NODAL: variants seen among roughly 807,000 people sequenced by gnomAD.
NODAL encodes nodal growth differentiation factor.
NODAL carries 12 observed loss-of-function variants against 34.0 expected under a neutral mutation model. That is an observed-to-expected ratio of 0.35 (90% confidence interval 0.23 to 0.57). NODAL has a LOEUF of 0.57. Among genes scored for constraint, NODAL ranks in the 20% least tolerant of loss-of-function variants. NODAL has a pLI of 0.83. For synonymous variants in NODAL, 162 were observed against 186.4 expected (o/e 0.87, Z 1.07); for missense variants, 390 against 444.2 (o/e 0.88, Z 1.10).
chr10:70,447,663 G>A (rs201166324), intron 1 of NODAL, among the ~76,000 whole-genome samples: 5 of 144,430 alleles, frequency 3.5e-5, no homozygotes, highest in South Asian at 2.2e-4. Flanking sequence ...CCTGTCTCAG[G>A]AAAAAAAAAA....
intron 2 of NODAL, among the ~76,000 whole-genome samples, chr10:70,433,750 C>T (rs1413109565): frequency 6.6e-6 from 1 of 152,086 alleles, no homozygotes; most frequent in Non-Finnish European, 1.5e-5. Flanking sequence ...CAAGAAATTC[C>T]TGGTTTAGTT....
chr10:70,441,499 T>G lies in NODAL; in HGVS notation c.169A>C (p.Ile57Leu), dbSNP rs781453947. ...CCTTCTGCCTGTAGGCTGCGGATGA[T>G]GTCTGCCCTCGGCAGCGGGTCGCGG... ...LYRDPLPRADIIRSLQAEDVA... is the reference protein window; with the variant it reads ...LYRDPLPRADLIRSLQAEDVA... The change falls in exon 1 of 3, where the codon ATC becomes CTC. Residue 57 changes from isoleucine to leucine, a missense_variant. Transcript: ENST00000287139. 1.3e-6 allele frequency: 2 copies of G among 1,593,176 alleles called. No homozygotes were observed. Among genetic ancestry groups the G allele is most frequent in the Admixed American group, 3.5e-5 (2 of 57,408 alleles).
At chr10:70,447,859 C>T (rs1845505490) in intron 1 of NODAL, 2 of 470,958 alleles carry the variant, frequency 4.2e-6, no homozygotes, top group Non-Finnish European at 8.8e-6. Flanking sequence ...TTGCTGGAAT[C>T]TGCAACCTAC....
upstream of NODAL, among the ~76,000 whole-genome samples, chr10:70,441,947 A>G (rs1845437358): frequency 6.6e-6 from 1 of 152,108 alleles, no homozygotes; most frequent in Admixed American, 6.5e-5. Context: ...TCCTCTAGGT[A>G]CCAAACGCCT....
Position 70,435,418 on chromosome 10 carries a change from C to G in NODAL, c.759G>C (p.Gln253His). 1 of 1,614,180 alleles carries G rather than the reference C, an allele frequency of 6.2e-7. No homozygotes were observed. The highest frequency in any genetic ancestry group is 8.5e-7 in the Non-Finnish European group (1 of 1,180,030). The change falls in exon 2 of 3, where the codon CAG (glutamine) becomes CAC (histidine). Residue 253 changes from glutamine to histidine, a missense_variant. Coordinates refer to ENST00000287139, the MANE Select transcript of NODAL (RefSeq NM_018055.5). The stretch of plus-strand genomic sequence containing the variant: ...CCCATCCGATCAGGTTGAAGTCCAC[C>G]TGGAACTTGACCTTCCGACACAGTT... ...RSQLCRKVKF[Q>H]VDFNLIGWGS... is the part of the protein sequence containing the mutation.
At chr10:70,441,447 G>C in intron 1 of NODAL, 28 bp downstream of exon 1, 1 of 1,553,716 alleles carries the variant, frequency 6.4e-7, no homozygotes, top group African/African-American at 1.4e-5. Context: ...GGGGTGCCCA[G>C]CAGGGCGCGG....
At chr10:70,441,794 G>A, upstream of NODAL, 3 of 1,005,580 alleles carry the variant, frequency 3.0e-6, no homozygotes, top group East Asian at 2.6e-5. Flanking sequence ...TCCGGAGGGT[G>A]GGGGGCAGAG....
chr10:70,440,537 G>A (rs1006751676), intron 1 of NODAL, among the ~76,000 whole-genome samples: 4 of 152,144 alleles, frequency 2.6e-5, no homozygotes, highest in Admixed American at 1.3e-4. Context: ...CGGCCCCAGG[G>A]AGGGCCGTCT....
At chr10:70,437,641 A>G (rs1488114364) in intron 1 of NODAL, among the ~76,000 whole-genome samples, 1 of 152,190 alleles carries the variant, frequency 6.6e-6, no homozygotes, top group African/African-American at 2.4e-5. Context: ...CTTTGTGAAT[A>G]GACTCTGGAG....
At chr10:70,442,048 T>C (rs558742081), upstream of NODAL, among the ~76,000 whole-genome samples, 2 of 152,124 alleles carry the variant, frequency 1.3e-5, no homozygotes, top group African/African-American at 4.8e-5. Flanking sequence ...CCCTGCCCCA[T>C]CCTCTCCACT....
chr10:70,435,035 A>G (rs1845325327), intron 2 of NODAL: 2 of 512,230 alleles, frequency 3.9e-6, no homozygotes, highest in South Asian at 4.4e-5. Flanking sequence ...AATTTTATGA[A>G]AGACAAGGAT....
At chr10:70,438,100 A>G (rs1409412794) in intron 1 of NODAL, among the ~76,000 whole-genome samples, 1 of 151,922 alleles carries the variant, frequency 6.6e-6, no homozygotes, top group East Asian at 1.9e-4. Flanking sequence ...GACCAGCCTG[A>G]TCAACATGGT....
chr10:70,437,452 A>G (rs2132216962), intron 1 of NODAL, among the ~76,000 whole-genome samples: 1 of 152,296 alleles, frequency 6.6e-6, no homozygotes, highest in South Asian at 2.1e-4. Context: ...AACAAAAACA[A>G]CAACAAACAT....
intron 1 of NODAL, chr10:70,447,793 A>AC (rs1012438108): frequency 2.2e-6 from 1 of 444,838 alleles, no homozygotes; most frequent in African/African-American, 2.0e-5. Flanking sequence ...AGCAGGGGTG[A>AC]CCCCTGACTC....
chr10:70,433,607 G>A (rs1001082886), intron 2 of NODAL, among the ~76,000 whole-genome samples: 4 of 151,772 alleles, frequency 2.6e-5, no homozygotes, highest in Non-Finnish European at 5.9e-5. Context: ...TAGAAATAGG[G>A]TTTCGGCATG....
At chr10:70,446,531 GTCAT>G (rs372359165), upstream of NODAL, among the ~76,000 whole-genome samples, 33 of 152,208 alleles carry the variant, frequency 2.2e-4, no homozygotes, top group South Asian at 2.5e-3. Context: ...GTAGCATTTA[GTCAT>G]TCATTCATTC....
intron 1 of NODAL, among the ~76,000 whole-genome samples, chr10:70,447,030 C>A (rs927993257): frequency 6.6e-6 from 1 of 151,892 alleles, no homozygotes; most frequent in Admixed American, 6.6e-5. Context: ...CTTCCACAAA[C>A]CTGTAAGTGC....
chr10:70,447,681 G>A (rs1003612645), intron 1 of NODAL, among the ~76,000 whole-genome samples: 1 of 150,130 alleles, frequency 6.7e-6, no homozygotes, highest in Admixed American at 6.7e-5. Flanking sequence ...AAAAGAAGAA[G>A]AAGAAGAAGA....
At chr10:70,441,383 C>G (rs935256620) in intron 1 of NODAL, 92 bp downstream of exon 1, 12 of 1,427,912 alleles carry the variant, frequency 8.4e-6, no homozygotes, top group Admixed American at 7.9e-5. Context: ...AGCCGCAGCC[C>G]CCAACCCACA....
Sources: allele counts gnomAD v4.1 joint callset (sites outside exome capture counted in the v4.1 genomes callset), GRCh38; gene constraint gnomAD v4.1.1; transcripts MANE v1.5; gene names NCBI Gene and HGNC (gene_info 2026-07-23, HGNC 2026-07-21).